Variants in CNTN2 observed in about 807,000 individuals in gnomAD.
The protein encoded by CNTN2 is contactin 2.
CNTN2 carries 53 observed loss-of-function variants against 117.5 expected under a neutral mutation model. That is an observed-to-expected ratio of 0.45 (90% CI 0.36 to 0.57). The LOEUF is 0.57. Ranked by LOEUF, CNTN2 falls within the 20% of genes least tolerant of loss-of-function variation. The pLI is 0.00. For missense variants in CNTN2, 1,106 were observed against 1,404.3 expected, an observed-to-expected ratio of 0.79 and a Z score of 3.39; for synonymous variants, 530 against 561.7, an observed-to-expected ratio of 0.94 and a Z score of 0.80.
rs1176354372 is a variant in CNTN2, at chr1:205,073,861, G to A, written c.*96G>A. 4 of 967,686 alleles carry A rather than the reference G, an allele frequency of 4.1e-6. No homozygotes were observed. The African/African-American group carries it at 4.9e-5, about 12-fold the overall frequency. 59.9% of individuals were successfully genotyped at this position (967,686 alleles called of 1,614,324 possible). On this transcript the variant is annotated 3_prime_UTR_variant, in exon 23 of 23. Transcript: ENST00000331830. The surrounding 1 kb of genome is among the most constrained non-coding windows in gnomAD (Gnocchi z 6.3). ...GCCAAGGTGGCCTGACACTGTGCCA[G>A]AGAGTGGCTGGTTTTAAATACCTAC...
At chr1:205,045,271 C>T (rs935784145) in intron 1 of CNTN2, among the ~76,000 whole-genome samples, 6 of 152,186 alleles carry the variant, frequency 3.9e-5, no homozygotes, top group East Asian at 1.9e-4. Flanking sequence ...TGTACTCCAC[C>T]GGCTTCAGCC....
In CNTN2 at chr1:205,070,254, G is replaced by C. The variant is rs1654523470; in HGVS notation, c.2432-172G>C. The C allele has an allele frequency of 5.6e-6, 4 of 715,334 alleles. No individual in the cohort carries two copies. The African/African-American group carries it at 7.1e-5, about 13-fold the overall frequency. 44.3% of individuals were successfully genotyped at this position (715,334 alleles called of 1,614,324 possible). A position where few individuals can be genotyped will look rare whatever the true frequency, so the allele number is the denominator to read the frequency against. ...TCCCTTCGGGGTTAGGAAAAGGGAG[G>C]CTCTCTGGGAATAGAAGTGGGCCCT... On this transcript the variant is annotated intron_variant, in intron 18 of 22. Transcript: ENST00000331830.
rs770237394 is a variant in CNTN2 at position 205,059,722 on chromosome 1, C to A, written c.797+40C>A. On this transcript the variant is annotated intron_variant, in intron 7 of 22. Transcript: ENST00000331830. This position sits in a 1 kb window ranked among gnomAD's most constrained non-coding sequence, Gnocchi z 5.6. ...GGAGGGGAAGCAGAGCACGGTCTCT[C>A]GGGGGCACAGGTGACCCCAGGGTGA... 1 of 1,573,164 alleles carries A rather than the reference C, an allele frequency of 6.4e-7. No individual in the cohort carries two copies. The highest frequency in any genetic ancestry group is 1.7e-5 in the Admixed American group (1 of 59,760).
At position 205,059,456 on chromosome 1, in the gene CNTN2, C is replaced by A; in HGVS notation, c.698-127C>A. On this transcript the variant is annotated intron_variant, in intron 6 of 22. Coordinates refer to ENST00000331830, the MANE Select transcript of CNTN2 (RefSeq NM_005076.5). The surrounding 1 kb of genome is among the most constrained non-coding windows in gnomAD (Gnocchi z 5.6). Reference sequence around the variant, plus strand: ...GCTTCAAATCCTGAGGCCCTTGCCCCAGGCCTCAAGGAGATTCCACACAGC... The same window carrying A: ...GCTTCAAATCCTGAGGCCCTTGCCCAAGGCCTCAAGGAGATTCCACACAGC... 1 of 1,193,976 alleles carries A rather than the reference C, an allele frequency of 8.4e-7. No individual in the cohort carries two copies. Among genetic ancestry groups the A allele is most frequent in the Non-Finnish European group, 1.2e-6 (1 of 818,210 alleles). 74.0% of individuals were successfully genotyped at this position (1,193,976 alleles called of 1,614,324 possible). A position where few individuals can be genotyped will look rare whatever the true frequency, so the allele number is the denominator to read the frequency against.
Position 205,061,182 on chromosome 1 carries a change from T to C in CNTN2, c.798-63T>C. ...GCCTGAGAGTCTGGGTATGAGGAGC[T>C]GCGGGCACTGGAGGGGTAGGCCCAG... On this transcript the variant is annotated intron_variant, in intron 7 of 22. Coordinates refer to ENST00000331830, the MANE Select transcript of CNTN2 (RefSeq NM_005076.5). This position sits in a 1 kb window ranked among gnomAD's most constrained non-coding sequence, Gnocchi z 4.8. The C allele has an allele frequency of 6.6e-7, 1 of 1,523,168 alleles. No individual in the cohort carries two copies. Among genetic ancestry groups the C allele is most frequent in the Non-Finnish European group, 8.9e-7 (1 of 1,123,590 alleles). 94.4% of individuals were successfully genotyped at this position (1,523,168 alleles called of 1,614,324 possible).
At position 205,075,776 on chromosome 1, in the gene CNTN2, G is replaced by C. The variant is rs1654830993; in HGVS notation, c.*2011G>C. 6.8e-6 allele frequency: 1 copy of C among 147,590 alleles called. No homozygotes were observed. Among genetic ancestry groups the C allele is most frequent in the Non-Finnish European group, 1.5e-5 (1 of 66,992 alleles). The allele number at this position is 147,590 out of a possible 1,614,324, so 9.1% of individuals were successfully genotyped here. Reference sequence around the variant, plus strand: ...CCTCTTCCCAACCCTTACAAGCAAGGGTGCTAGGGGCTCAGCTATACGACC... The same window carrying C: ...CCTCTTCCCAACCCTTACAAGCAAGCGTGCTAGGGGCTCAGCTATACGACC... On this transcript the variant is annotated 3_prime_UTR_variant, in exon 23 of 23. Transcript: ENST00000331830.
chr1:205,047,782 T>A (rs2096444275), intron 1 of CNTN2, among the ~76,000 whole-genome samples: 1 of 152,170 alleles, frequency 6.6e-6, no homozygotes, highest in Non-Finnish European at 1.5e-5. Flanking sequence ...GGCTGTGAGA[T>A]TTCTCAGTTC....
At chr1:205,069,738 G>A (rs1654487263) in intron 17 of CNTN2, 89 bp from the exon 18 acceptor site, 4 of 1,484,210 alleles carry the variant, frequency 2.7e-6, no homozygotes, top group South Asian at 1.2e-5. Flanking sequence ...GTCCAGGGCC[G>A]CTACTCTTGG....
At chr1:205,072,287 T>C (rs551041273) in intron 20 of CNTN2, 154 bp downstream of exon 20, 16 of 856,192 alleles carry the variant, frequency 1.9e-5, no homozygotes, top group Non-Finnish European at 2.7e-5. Flanking sequence ...AATAAGGGAA[T>C]GGAATTCATG....
Position 205,061,980 on chromosome 1 carries a change from C to T in CNTN2, c.1089C>T (p.Asn363=), listed in dbSNP as rs770979340. ...GGCCTACAGTGCGCTGGCTGCGGAA[C>T]GGGGAGCCTCTGGCCTCCCAGGTAG... is the stretch of plus-strand genomic sequence containing the variant. ...KPRPTVRWLR[N]GEPLASQNRV... Residue 363 remains asparagine (N), a synonymous_variant, in exon 9 of 23, where the codon AAC becomes AAT. Transcript: ENST00000331830. This position sits in a 1 kb window ranked among gnomAD's most constrained non-coding sequence, Gnocchi z 4.8. 8.1e-6 allele frequency: 13 copies of T among 1,613,222 alleles called. No individual in the cohort carries two copies. The highest frequency in any genetic ancestry group is 1.7e-5 in the Admixed American group (1 of 59,944).
At chr1:205,070,162 G>A in intron 18 of CNTN2, 101 bp downstream of exon 18, 2 of 1,160,654 alleles carry the variant, frequency 1.7e-6, no homozygotes, top group Non-Finnish European at 2.5e-6. Flanking sequence ...CAGTTCCATA[G>A]GAGGAGGTTG....
At chr1:205,053,900 TCTC>T (rs139811280) in intron 2 of CNTN2, among the ~76,000 whole-genome samples, 25,544 of 151,970 alleles carry the variant, frequency 0.17, 2,321 homozygotes, top group East Asian at 0.27. Flanking sequence ...GAGCTGAGGT[TCTC>T]CTCCCAGGGG....
chr1:205,053,974 A>G (rs1574635709), intron 2 of CNTN2, among the ~76,000 whole-genome samples: 1 of 152,272 alleles, frequency 6.6e-6, no homozygotes, highest in East Asian at 1.9e-4. Context: ...GAGGGTGAAG[A>G]GGGCAGGCCG....
At chr1:205,069,613 C>A in intron 17 of CNTN2, 52 bp downstream of exon 17, 1 of 1,579,546 alleles carries the variant, frequency 6.3e-7, no homozygotes, top group Non-Finnish European at 8.6e-7. Context: ...CCCTCTCCCG[C>A]TTGAGCAGCT....
In CNTN2 at chr1:205,075,935, T is replaced by A. The variant is rs1654841690; in HGVS notation, c.*2170T>A. 1 of 152,186 alleles carries A rather than the reference T, an allele frequency of 6.6e-6. No homozygotes were observed. The highest frequency in any genetic ancestry group is 2.4e-5 in the African/African-American group (1 of 41,428). The allele number at this position is 152,186 out of a possible 1,614,324, so 9.4% of individuals were successfully genotyped here. A position where few individuals can be genotyped will look rare whatever the true frequency, so the allele number is the denominator to read the frequency against. On this transcript the variant is annotated 3_prime_UTR_variant, in exon 23 of 23. Transcript: ENST00000331830. ...AACCTCCTTCCAAGTTTTATCCAAT[T>A]CGTTCCTCATTGCCTCGGGCTGCGT...
Position 205,072,528 on chromosome 1 carries a change from C to G in CNTN2, c.2777C>G (p.Ser926Cys), listed in dbSNP as rs1304309225. 2 of 1,614,066 alleles carry G rather than the reference C, an allele frequency of 1.2e-6. No individual in the cohort carries two copies. Among genetic ancestry groups the G allele is most frequent in the African/African-American group, 2.7e-5 (2 of 74,930 alleles). Residue 926 changes from serine to cysteine, a missense_variant, in exon 21 of 23, where the codon TCT (serine) becomes TGT (cysteine). Transcript: ENST00000331830. ...PGNISWTFSSSSLSIKWDPVV... is the reference protein window; with the variant it reads ...PGNISWTFSSCSLSIKWDPVV... Reference sequence around the variant, plus strand: ...AACATCTCCTGGACTTTCTCAAGCTCTAGTCTTAGCATTAAGTGGGACCCT... The same window carrying G: ...AACATCTCCTGGACTTTCTCAAGCTGTAGTCTTAGCATTAAGTGGGACCCT...
At chr1:205,046,234 G>C (rs566832721) in intron 1 of CNTN2, among the ~76,000 whole-genome samples, 5 of 152,324 alleles carry the variant, frequency 3.3e-5, no homozygotes, top group African/African-American at 1.2e-4. Flanking sequence ...CAAAAGCAAG[G>C]AGTGTGATAT....
chr1:205,075,602 G>A lies in CNTN2; in HGVS notation c.*1837G>A, dbSNP rs949076052. ...AAGTCCTGCTCTATTTTCCTGGGCA[G>A]GTTTATGTTGATGTTTACCCACTAC... On this transcript the variant is annotated 3_prime_UTR_variant, in exon 23 of 23. Transcript: ENST00000331830. 6.6e-6 allele frequency: 1 copy of A among 152,574 alleles called. No homozygotes were observed. Among genetic ancestry groups the A allele is most frequent in the African/African-American group, 2.4e-5 (1 of 41,428 alleles). The allele number at this position is 152,574 out of a possible 1,614,324, so 9.5% of individuals were successfully genotyped here.
In CNTN2 at chr1:205,073,475, A is replaced by T; in HGVS notation, c.3014-181A>T. ...GGGTGCAGGGGGAGGCTGAGGACCA[A>T]CCAGCAATAGCAAACGGCCTACAAA... On this transcript the variant is annotated intron_variant, in intron 22 of 22. Coordinates refer to ENST00000331830, the MANE Select transcript of CNTN2 (RefSeq NM_005076.5). The surrounding 1 kb of genome is among the most constrained non-coding windows in gnomAD (Gnocchi z 6.3). 1 of 720,498 alleles carries T rather than the reference A, an allele frequency of 1.4e-6. No individual in the cohort carries two copies. The highest frequency in any genetic ancestry group is 1.8e-5 in the South Asian group (1 of 56,068). The allele number at this position is 720,498 out of a possible 1,614,324, so 44.6% of individuals were successfully genotyped here.
Sources: allele counts gnomAD v4.1 joint callset (sites outside exome capture counted in the v4.1 genomes callset), GRCh38; gene constraint gnomAD v4.1.1; non-coding constraint Gnocchi (gnomAD v3.1); transcripts MANE v1.5; gene names NCBI Gene and HGNC (gene_info 2026-07-23, HGNC 2026-07-21).